Variants in SGCZ observed in about 807,000 individuals in gnomAD.
The protein encoded by SGCZ is zeta-sarcoglycan.
In SGCZ, 40 loss-of-function variants were observed where a neutral mutation model predicts 41.3. The observed-to-expected ratio is 0.97, with a 90% CI of 0.75 to 1.26. The LOEUF is 1.26. Ranked by LOEUF, SGCZ falls within the 50% of genes most tolerant of loss-of-function variation. The probability of loss-of-function intolerance (pLI) is 0.00; values close to 1 mark genes in which losing one functional copy is unlikely to be tolerated. For missense variants in SGCZ, 552 were observed against 369.8 expected, an observed-to-expected ratio of 1.49 and a Z score of -4.04; for synonymous variants, 206 against 137.5, an observed-to-expected ratio of 1.50 and a Z score of -3.49.
chr8:14,707,553 G>T (rs1809372203), intron 1 of SGCZ, among the ~76,000 whole-genome samples: 1 of 152,018 alleles, frequency 6.6e-6, no homozygotes, highest in African/African-American at 2.4e-5. Context: ...ACTGAATGGT[G>T]GGCTAATTCA....
rs186681835 is a variant in SGCZ, at chr8:14,296,938, T to G, written c.336+27165A>C. Among the ~76,000 whole-genome samples, 12 of 152,290 alleles carry G rather than the reference T, an allele frequency of 7.9e-5. No homozygotes were observed. In the East Asian group the frequency reaches 2.3e-3, roughly 29 times the overall value. On this transcript the variant is annotated intron_variant, in intron 3 of 7. Transcript: ENST00000382080. ...TAACTGAATAATTTTTCTTTTTTTT[T>G]GAGTCGGATTTTCGCTCTTGTTGCC...
chr8:15,017,617 C>T (rs773094522), intron 1 of SGCZ, among the ~76,000 whole-genome samples: 1 of 152,084 alleles, frequency 6.6e-6, no homozygotes. Context: ...TCGTTCCTCC[C>T]ACCGAAGTCT....
chr8:14,397,149 C>T (rs1173511193), intron 2 of SGCZ, among the ~76,000 whole-genome samples: 3 of 152,044 alleles, frequency 2.0e-5, no homozygotes, highest in Non-Finnish European at 2.9e-5. Context: ...ATTGGAGGTA[C>T]AAAATTCTGA....
chr8:14,612,195 T>C (rs544379550), intron 1 of SGCZ, among the ~76,000 whole-genome samples: 10 of 152,180 alleles, frequency 6.6e-5, no homozygotes, highest in Non-Finnish European at 1.2e-4. Flanking sequence ...AAATCTCATC[T>C]CTAATTGTAA....
intron 1 of SGCZ, among the ~76,000 whole-genome samples, chr8:14,882,138 A>C (rs952554628): frequency 1.3e-5 from 2 of 152,192 alleles, no homozygotes; most frequent in Non-Finnish European, 2.9e-5. Flanking sequence ...ATCCCAAATC[A>C]GTTTCTATCT....
At chr8:14,928,470 T>A (rs955422112) in intron 1 of SGCZ, among the ~76,000 whole-genome samples, 1 of 152,118 alleles carries the variant, frequency 6.6e-6, no homozygotes, top group East Asian at 1.9e-4. Flanking sequence ...ATAGGAAGTA[T>A]CTCACCAGAA....
intron 1 of SGCZ, among the ~76,000 whole-genome samples, chr8:15,170,785 A>G (rs556178469): frequency 2.6e-4 from 39 of 152,378 alleles, no homozygotes; most frequent in African/African-American, 9.4e-4. Flanking sequence ...AGCTCCCTAT[A>G]GGAATAAAAA....
chr8:14,811,763 A>G lies in SGCZ; in HGVS notation c.40-256837T>C, dbSNP rs185320908. The stretch of plus-strand genomic sequence containing the variant: ...CAATTCCAGGTAACAGAAATGACAC[A>G]TGAAGATATTCACTCAAATCATTTT... On this transcript the variant is annotated intron_variant, in intron 1 of 7. Coordinates refer to ENST00000382080, the MANE Select transcript of SGCZ (RefSeq NM_139167.4). Among the ~76,000 whole-genome samples, 70 of 152,110 alleles carry G rather than the reference A, an allele frequency of 4.6e-4. 1 individual carries two copies. The highest frequency in any genetic ancestry group is 1.4e-3 in the Admixed American group (22 of 15,258).
intron 1 of SGCZ, among the ~76,000 whole-genome samples, chr8:14,586,860 A>G (rs1805075145): frequency 6.6e-6 from 1 of 152,194 alleles, no homozygotes; most frequent in Non-Finnish European, 1.5e-5. Flanking sequence ...GACATAGAAT[A>G]TAATTAAAAC....
At chr8:14,444,693 A>T (rs995849600) in intron 2 of SGCZ, among the ~76,000 whole-genome samples, 8 of 151,712 alleles carry the variant, frequency 5.3e-5, no homozygotes, top group Admixed American at 2.6e-4. Flanking sequence ...GGATAGCTTT[A>T]GGAGATATAC....
chr8:15,069,436 T>A (rs1181065626), intron 1 of SGCZ, among the ~76,000 whole-genome samples: 1 of 152,248 alleles, frequency 6.6e-6, no homozygotes, highest in Non-Finnish European at 1.5e-5. Context: ...GGGTTGTATT[T>A]TCCAAGTGAG....
At chr8:14,550,269 T>C (rs1386863983) in intron 2 of SGCZ, among the ~76,000 whole-genome samples, 1 of 151,394 alleles carries the variant, frequency 6.6e-6, no homozygotes, top group Admixed American at 6.6e-5. Context: ...CTAAAAACAA[T>C]ATAATGGTTG....
chr8:14,537,916 C>A (rs559730320), intron 2 of SGCZ, among the ~76,000 whole-genome samples: 1 of 151,838 alleles, frequency 6.6e-6, no homozygotes, highest in African/African-American at 2.4e-5. Context: ...CCCTCTATCT[C>A]CAGGTACAAC....
intron 1 of SGCZ, among the ~76,000 whole-genome samples, chr8:14,677,565 G>A (rs1166343892): frequency 2.0e-5 from 3 of 152,140 alleles, no homozygotes; most frequent in Non-Finnish European, 4.4e-5. Flanking sequence ...GAGGCCAGGA[G>A]TTAGAGGCCA....
intron 3 of SGCZ, among the ~76,000 whole-genome samples, chr8:14,268,075 G>A (rs982818949): frequency 5.0e-5 from 5 of 99,434 alleles, no homozygotes; most frequent in African/African-American, 7.8e-5. Flanking sequence ...TATGTTTACT[G>A]TTTATATTTC....
chr8:14,241,365 G>A (rs1026684529), intron 3 of SGCZ, among the ~76,000 whole-genome samples: 2 of 150,234 alleles, frequency 1.3e-5, no homozygotes, highest in African/African-American at 4.9e-5. Context: ...GTAAAAGTAA[G>A]AAAGTAGTTA....
chr8:15,123,058 G>C (rs762820954), intron 1 of SGCZ, among the ~76,000 whole-genome samples: 2 of 152,090 alleles, frequency 1.3e-5, no homozygotes, highest in African/African-American at 2.4e-5. Flanking sequence ...TGGCACTCTG[G>C]TACTGCTCTG....
At chr8:14,345,899 G>C (rs528877101) in intron 2 of SGCZ, among the ~76,000 whole-genome samples, 1 of 152,030 alleles carries the variant, frequency 6.6e-6, no homozygotes, top group African/African-American at 2.4e-5. Flanking sequence ...ACAGTCAAAA[G>C]ATCAGTGGTT....
At chr8:14,958,100 A>C (rs1250562266) in intron 1 of SGCZ, among the ~76,000 whole-genome samples, 2 of 151,948 alleles carry the variant, frequency 1.3e-5, no homozygotes, top group African/African-American at 4.8e-5. Context: ...ACCTTATAAC[A>C]TGTTGGGTAG....
Sources: gnomAD v4.1 joint callset for allele counts (sites outside exome capture counted in the v4.1 genomes callset) on GRCh38, gnomAD v4.1.1 for gene constraint, MANE v1.5 for transcripts, NCBI Gene and HGNC (gene_info 2026-07-23, HGNC 2026-07-21) for gene names.